The following CYP26C1 variants were observed in gnomAD, a reference collection of about 807,000 sequenced individuals.
The protein encoded by CYP26C1 is cytochrome P450 family 26 subfamily C member 1.
A neutral mutation model predicts 39.1 loss-of-function variants in CYP26C1; 41 were observed. That is an observed-to-expected ratio of 1.05 (90% confidence interval 0.82 to 1.36). The LOEUF (loss-of-function observed/expected upper bound fraction) is 1.36. Ranked by LOEUF, CYP26C1 falls within the 40% of genes most tolerant of loss-of-function variation. CYP26C1 has a pLI of 0.00. For missense variants in CYP26C1, 833 were observed against 752.0 expected (o/e 1.11, Z -1.26); for synonymous variants, 362 against 350.8 (o/e 1.03, Z -0.36).
Position 93,066,213 on chromosome 10 carries a change from C to G in CYP26C1, c.1119C>G (p.Val373=). 1 of 1,477,630 alleles carries G rather than the reference C, an allele frequency of 6.8e-7. No homozygotes were observed. The highest frequency in any genetic ancestry group is 8.9e-7 in the Non-Finnish European group (1 of 1,117,382). The allele number at this position is 1,477,630 out of a possible 1,614,324, so 91.5% of individuals were successfully genotyped here. Reference sequence around the variant, plus strand: ...GTCTGCGCTACGTCGACTGCGTGGTCAAGGAGGTGCTGCGCCTCCTGCCGC... The same window carrying G: ...GTCTGCGCTACGTCGACTGCGTGGTGAAGGAGGTGCTGCGCCTCCTGCCGC... The part of the protein sequence containing the change: ...LGRLRYVDCV[V]KEVLRLLPPV... Residue 373 remains valine (V), a synonymous_variant, in exon 5 of 6, where the codon GTC becomes GTG. Transcript: ENST00000651965.
rs1250110324 is a variant in CYP26C1, at chr10:93,062,762, G to C, written c.472G>C (p.Val158Leu). The C allele has an allele frequency of 6.7e-7, 1 of 1,500,356 alleles. No individual in the cohort carries two copies. 92.9% of individuals were successfully genotyped at this position (1,500,356 alleles called of 1,614,324 possible). A position where few individuals can be genotyped will look rare whatever the true frequency, so the allele number is the denominator to read the frequency against. The change falls in exon 3 of 6, where the codon GTG (valine) becomes CTG (leucine). Residue 158 changes from valine (V) to leucine (L), a missense_variant. Transcript: ENST00000651965. The part of the protein sequence containing the change: ...VFSRAALERY[V>L]PRLQGALRHE... ...CAGCCGCGCCGCGCTGGAGCGCTAC[G>C]TGCCGCGCCTGCAGGGGGCGCTGCG... is the stretch of plus-strand genomic sequence containing the variant.
At chr10:93,066,334 TGCCG>T in intron 5 of CYP26C1, 49 bp downstream of exon 5, 2 of 1,227,344 alleles carry the variant, frequency 1.6e-6, no homozygotes, top group African/African-American at 1.6e-5. Flanking sequence ...TCCTGCCGCC[TGCCG>T]CCTGCCGCCT....
chr10:93,062,089 G>A lies in CYP26C1; in HGVS notation c.284G>A (p.Arg95His). Residue 95 changes from arginine (R) to histidine (H), a missense_variant, in exon 2 of 6, where the codon CGC becomes CAC. Transcript: ENST00000651965. ...KTHLLGRPVI[R>H]VSGAENVRTI... Reference sequence around the variant, plus strand: ...CACCTGCTGGGCAGGCCAGTGATCCGCGTGAGCGGCGCGGAGAACGTGCGC... The same window carrying A: ...CACCTGCTGGGCAGGCCAGTGATCCACGTGAGCGGCGCGGAGAACGTGCGC... 1.3e-6 allele frequency: 2 copies of A among 1,574,404 alleles called. No homozygotes were observed. The highest frequency in any genetic ancestry group is 1.2e-5 in the South Asian group (1 of 85,636).
chr10:93,063,569 C>T (rs1442458079), intron 3 of CYP26C1: 2 of 985,546 alleles, frequency 2.0e-6, no homozygotes, highest in Non-Finnish European at 2.4e-6. Context: ...GATGCCCCAT[C>T]CCGCCTTTTG....
chr10:93,062,746 C>T lies in CYP26C1; in HGVS notation c.456C>T (p.Ala152=), dbSNP rs994086963. The change falls in exon 3 of 6, where the codon GCC becomes GCT. Residue 152 remains alanine, a synonymous_variant. Coordinates refer to ENST00000651965, the MANE Select transcript of CYP26C1 (RefSeq NM_183374.3). ...TCCTGGCGCGCGTGTTCAGCCGCGC[C>T]GCGCTGGAGCGCTACGTGCCGCGCC... is the stretch of plus-strand genomic sequence containing the variant. ...RKVLARVFSR[A]ALERYVPRLQ... 12 of 1,446,618 alleles carry T rather than the reference C, an allele frequency of 8.3e-6. No individual in the cohort carries two copies. The African/African-American group carries it at 1.5e-4, about 18-fold the overall frequency. 89.6% of individuals were successfully genotyped at this position (1,446,618 alleles called of 1,614,324 possible). A position where few individuals can be genotyped will look rare whatever the true frequency, so the allele number is the denominator to read the frequency against.
chr10:93,067,566 G>A (rs536205471), intron 5 of CYP26C1, among the ~76,000 whole-genome samples: 1 of 152,318 alleles, frequency 6.6e-6, no homozygotes, highest in East Asian at 1.9e-4. Flanking sequence ...AGGAAAGAGA[G>A]CTCCTGGGAT....
chr10:93,064,201 A>G (rs1846787822), intron 3 of CYP26C1, 180 bp from the exon 4 acceptor site: 4 of 1,398,558 alleles, frequency 2.9e-6, no homozygotes, highest in Non-Finnish European at 3.7e-6. Flanking sequence ...GTTTGTGGAC[A>G]GTGGACATAT....
In CYP26C1 at chr10:93,068,765, G is replaced by C; in HGVS notation, c.*68G>C. 6.8e-7 allele frequency: 1 copy of C among 1,461,420 alleles called. No homozygotes were observed. Among genetic ancestry groups the C allele is most frequent in the Non-Finnish European group, 9.0e-7 (1 of 1,107,852 alleles). The allele number at this position is 1,461,420 out of a possible 1,614,324, so 90.5% of individuals were successfully genotyped here. On this transcript the variant is annotated 3_prime_UTR_variant, in exon 6 of 6. Transcript: ENST00000651965. ...GCGCACGCAGCGCCACCCATCTGCCGCTCCCCATTGTAGCGTCGCGCGCCC... is the reference window on the plus strand; with the variant it reads ...GCGCACGCAGCGCCACCCATCTGCCCCTCCCCATTGTAGCGTCGCGCGCCC...
At position 93,068,674 on chromosome 10, in the gene CYP26C1, G is replaced by T. The variant is rs1040487413; in HGVS notation, c.1546G>T (p.Ala516Ser). The change falls in exon 6 of 6, where the codon GCG becomes TCG. Residue 516 changes from alanine (A) to serine (S), a missense_variant. Ala to Ser is a moderately conservative substitution (Grantham distance 99). Transcript: ENST00000651965. ...LFFHPLTPSVAGNGLCL is the reference protein window; with the variant it reads ...LFFHPLTPSVSGNGLCL ...TTTCCACCCCCTCACGCCTTCGGTT[G>T]CGGGGAATGGGCTATGCCTCTGACA... 1.9e-6 allele frequency: 3 copies of T among 1,575,534 alleles called. No individual in the cohort carries two copies. The highest frequency in any genetic ancestry group is 2.6e-6 in the Non-Finnish European group (3 of 1,157,794).
chr10:93,065,916 CACCGCCCGAG>C (rs756568037), intron 4 of CYP26C1, 30 bp from the exon 5 acceptor site: 1 of 1,487,642 alleles, frequency 6.7e-7, no homozygotes, highest in Non-Finnish European at 8.9e-7. Flanking sequence ...CGGGCGACTC[CACCGCCCGAG>C]ACTCAGTGCA....
At chr10:93,063,176 C>T in intron 3 of CYP26C1, 181 bp downstream of exon 3, 1 of 1,374,956 alleles carries the variant, frequency 7.3e-7, no homozygotes, top group South Asian at 1.8e-5. Flanking sequence ...TGGGCCTGGC[C>T]TCTGTGCTGG....
chr10:93,063,783 T>C (rs1006852905), intron 3 of CYP26C1: 2 of 983,942 alleles, frequency 2.0e-6, no homozygotes, highest in African/African-American at 3.5e-5. Flanking sequence ...ACACCGTTAG[T>C]AGGGGCACGA....
rs1846757010 is a variant in CYP26C1 at position 93,062,073 on chromosome 10, G to C, written c.268G>C (p.Gly90Arg). The change falls in exon 2 of 6, where the codon GGC becomes CGC. Residue 90 changes from glycine to arginine, a missense_variant. Transcript: ENST00000651965. ...GACAGTGTTCAAGACGCACCTGCTG[G>C]GCAGGCCAGTGATCCGCGTGAGCGG... ...YGTVFKTHLL[G>R]RPVIRVSGAE... The C allele has an allele frequency of 1.3e-6, 2 of 1,580,540 alleles. No homozygotes were observed. Among genetic ancestry groups the C allele is most frequent in the East Asian group, 2.3e-5 (1 of 43,536 alleles).
chr10:93,061,635 C>T (rs2134410588), intron 1 of CYP26C1, among the ~76,000 whole-genome samples, 168 bp downstream of exon 1: 1 of 132,714 alleles, frequency 7.5e-6, no homozygotes, highest in African/African-American at 2.8e-5. Context: ...ACTCCGTTCC[C>T]TCGAAGGGAC....
intron 4 of CYP26C1, 54 bp from the exon 5 acceptor site, chr10:93,065,902 G>T (rs1846818387): frequency 2.1e-6 from 3 of 1,457,346 alleles, no homozygotes; most frequent in Admixed American, 2.6e-5. Flanking sequence ...TCGGGTCAGC[G>T]CCCCGGGCGA....
In CYP26C1 at chr10:93,068,596, C is replaced by A. The variant is rs376961229; in HGVS notation, c.1468C>A (p.Pro490Thr). ...ARWELATPAF[P>T]AMQTVPIVHP... Reference sequence around the variant, plus strand: ...CTGGGAACTGGCCACACCCGCCTTCCCCGCCATGCAGACGGTGCCCATCGT... The same window carrying A: ...CTGGGAACTGGCCACACCCGCCTTCACCGCCATGCAGACGGTGCCCATCGT... The change falls in exon 6 of 6, where the codon CCC becomes ACC. Residue 490 changes from proline (P) to threonine (T), a missense_variant. Transcript: ENST00000651965. The A allele has an allele frequency of 1.1e-5, 17 of 1,598,142 alleles. No homozygotes were observed. The African/African-American group carries it at 2.3e-4, about 21-fold the overall frequency.
rs767707524 is a variant in CYP26C1 at position 93,068,616 on chromosome 10, C to T, written c.1488C>T (p.Pro496=). The T allele has an allele frequency of 2.5e-6, 4 of 1,600,984 alleles. No individual in the cohort carries two copies. Among genetic ancestry groups the T allele is most frequent in the South Asian group, 2.2e-5 (2 of 88,998 alleles). The change falls in exon 6 of 6, where the codon CCC becomes CCT. Residue 496 remains proline, a synonymous_variant. Transcript: ENST00000651965. ...CCTTCCCCGCCATGCAGACGGTGCCCATCGTGCACCCAGTGGACGGGCTGC... is the reference window on the plus strand; with the variant it reads ...CCTTCCCCGCCATGCAGACGGTGCCTATCGTGCACCCAGTGGACGGGCTGC... ...TPAFPAMQTV[P]IVHPVDGLRL...
Position 93,064,883 on chromosome 10 carries a change from A to C in CYP26C1, c.861+347A>C, listed in dbSNP as rs145703207. Reference sequence around the variant, plus strand: ...TGCCTCTGCTGTCCCCCTGCCTACAAAGCCCTCATTATTCATTTTTTCTAG... The same window carrying C: ...TGCCTCTGCTGTCCCCCTGCCTACACAGCCCTCATTATTCATTTTTTCTAG... On this transcript the variant is annotated intron_variant, in intron 4 of 5. Coordinates refer to ENST00000651965, the MANE Select transcript of CYP26C1 (RefSeq NM_183374.3). The C allele has an allele frequency of 4.9e-4, 481 of 975,706 alleles. 4 individuals are homozygous for C. In the African/African-American group the frequency reaches 7.6e-3, roughly 15 times the overall value. 60.4% of individuals were successfully genotyped at this position (975,706 alleles called of 1,614,324 possible). A position where few individuals can be genotyped will look rare whatever the true frequency, so the allele number is the denominator to read the frequency against.
At position 93,066,243 on chromosome 10, in the gene CYP26C1, G is replaced by C; in HGVS notation, c.1149G>C (p.Val383=). 3 of 1,469,578 alleles carry C rather than the reference G, an allele frequency of 2.0e-6. No individual in the cohort carries two copies. Among genetic ancestry groups the C allele is most frequent in the Non-Finnish European group, 2.7e-6 (3 of 1,113,318 alleles). 91.0% of individuals were successfully genotyped at this position (1,469,578 alleles called of 1,614,324 possible). A position where few individuals can be genotyped will look rare whatever the true frequency, so the allele number is the denominator to read the frequency against. ...VKEVLRLLPP[V]SGGYRTALRT... ...AGGTGCTGCGCCTCCTGCCGCCAGT[G>C]TCCGGGGGCTACCGCACCGCCCTGC... Residue 383 remains valine, a synonymous_variant, in exon 5 of 6, where the codon GTG becomes GTC. Transcript: ENST00000651965.
Sources: gnomAD v4.1 joint callset for allele counts (sites outside exome capture counted in the v4.1 genomes callset) on GRCh38, gnomAD v4.1.1 for gene constraint, MANE v1.5 for transcripts, NCBI Gene and HGNC (gene_info 2026-07-23, HGNC 2026-07-21) for gene names.